The following ANAPC1 variants were observed in gnomAD, a reference collection of about 807,000 sequenced individuals.
The protein encoded by ANAPC1 is anaphase-promoting complex subunit 1.
A neutral mutation model predicts 208.0 loss-of-function variants in ANAPC1; 36 were observed. That is an observed-to-expected ratio of 0.17 (90% CI 0.13 to 0.23). The LOEUF (loss-of-function observed/expected upper bound fraction) is 0.23. Among genes scored for constraint, ANAPC1 ranks in the 10% least tolerant of loss-of-function variants. The pLI is 1.00. For missense variants in ANAPC1, 942 were observed against 2,011.6 expected (o/e 0.47, Z 10.17); for synonymous variants, 378 against 695.2 (o/e 0.54, Z 7.18).
chr2:111,835,555 T>C (rs925962675), intron 18 of ANAPC1, among the ~76,000 whole-genome samples: 4 of 152,218 alleles, frequency 2.6e-5, no homozygotes, highest in African/African-American at 9.6e-5. Context: ...AAGAAAAAAC[T>C]GGGCCGGGTG....
chr2:111,868,792 C>A (rs1419813440), intron 6 of ANAPC1, among the ~76,000 whole-genome samples: 1 of 152,208 alleles, frequency 6.6e-6, no homozygotes, highest in Non-Finnish European at 1.5e-5. Context: ...CTCGGCCTCC[C>A]AGAGTGCTGG....
chr2:111,867,833 C>T (rs113306446), intron 7 of ANAPC1, among the ~76,000 whole-genome samples, 190 bp downstream of exon 7: 5,216 of 151,986 alleles, frequency 0.034, 318 homozygotes, highest in African/African-American at 0.12. Flanking sequence ...GATTTATATG[C>T]CTTATTTTTA....
chr2:111,864,978 T>G (rs758807114), intron 7 of ANAPC1, 27 bp from the exon 8 acceptor site: 1 of 1,593,992 alleles, frequency 6.3e-7, no homozygotes, highest in Admixed American at 1.7e-5. Context: ...AAAAATCAGG[T>G]ATAGAACAAT....
intron 21 of ANAPC1, among the ~76,000 whole-genome samples, chr2:111,826,665 AT>A (rs34574346): frequency 0.075 from 10,381 of 139,270 alleles, 1,156 homozygotes; most frequent in African/African-American, 0.26. Context: ...TTATTTATTT[AT>A]TTTTTTTTTT....
At chr2:111,839,227 A>G (rs74328073) in intron 17 of ANAPC1, among the ~76,000 whole-genome samples, 24,041 of 152,208 alleles carry the variant, frequency 0.16, 1,949 homozygotes, top group Admixed American at 0.19. Flanking sequence ...GGGTTCCTGA[A>G]TAACTGTGTG....
rs1558704448 is a variant in ANAPC1, at chr2:111,834,844, T to G, written c.2144A>C (p.Tyr715Ser). Reference sequence around the variant, plus strand: ...AAGATGAGACTCAACATTCTGGTGGTAGTCTGAATTTAGTAAATATTCCCA... The same window carrying G: ...AAGATGAGACTCAACATTCTGGTGGGAGTCTGAATTTAGTAAATATTCCCA... The part of the protein sequence containing the change: ...DDWEYLLNSD[Y>S]HQNVESHLLN... Residue 715 changes from tyrosine (Y) to serine (S), a missense_variant, in exon 19 of 48, where the codon TAC becomes TCC. Coordinates refer to ENST00000341068, the MANE Select transcript of ANAPC1 (RefSeq NM_022662.4). 3 of 1,601,376 alleles carry G rather than the reference T, an allele frequency of 1.9e-6. No individual in the cohort carries two copies. Among genetic ancestry groups the G allele is most frequent in the Non-Finnish European group, 2.6e-6 (3 of 1,175,430 alleles).
chr2:111,838,500 C>T lies in ANAPC1; in HGVS notation c.2053G>A (p.Gly685Arg). 6.2e-7 allele frequency: 1 copy of T among 1,604,094 alleles called. No homozygotes were observed. The highest frequency in any genetic ancestry group is 8.5e-7 in the Non-Finnish European group (1 of 1,176,650). ...LAWTRNFDFE[G>R]SLSPVIAPKK... ...GGCGCAATGACAGGAGAAAGTGATC[C>T]TTCAAAGTCAAACTGAAAAGTAACC... The change falls in exon 18 of 48, where the codon GGA (glycine) becomes AGA (arginine). Residue 685 changes from glycine (G) to arginine (R), a missense_variant. Transcript: ENST00000341068.
chr2:111,882,790 A>G (rs1683378943), intron 1 of ANAPC1, among the ~76,000 whole-genome samples: 1 of 152,102 alleles, frequency 6.6e-6, no homozygotes, highest in African/African-American at 2.4e-5. Context: ...ACAAAACATG[A>G]CACAAGTTTT....
chr2:111,847,934 T>C, intron 14 of ANAPC1, 69 bp from the exon 15 acceptor site: 2 of 1,393,806 alleles, frequency 1.4e-6, no homozygotes, highest in Non-Finnish European at 1.9e-6. Context: ...GAAATTTAAC[T>C]GTTTCTTTTT....
At chr2:111,847,935 G>A in intron 14 of ANAPC1, 70 bp from the exon 15 acceptor site, 2 of 1,389,204 alleles carry the variant, frequency 1.4e-6, no homozygotes, top group South Asian at 3.1e-5. Context: ...AAATTTAACT[G>A]TTTCTTTTTT....
rs34637902 is a variant in ANAPC1, at chr2:111,857,294, A to AGG, written c.1359-410_1359-409dup. ...ATAGTTATATAAGAGGTTACCTGTG[A>AGG]GGGAAAAAGAATGCAAGGTACACAG... On this transcript the variant is annotated intron_variant, in intron 11 of 47. Coordinates refer to ENST00000341068, the MANE Select transcript of ANAPC1 (RefSeq NM_022662.4). Among the ~76,000 whole-genome samples, 3 of 143,522 alleles carry AGG rather than the reference A, an allele frequency of 2.1e-5. No individual in the cohort carries two copies. In the Admixed American group the frequency reaches 2.1e-4, roughly 10 times the overall value. The allele number at this position is 143,522 out of a possible 152,430, so 94.2% of individuals were successfully genotyped here.
In ANAPC1 at chr2:111,767,876, C is replaced by T. The variant is rs1218532584; in HGVS notation, c.*1415G>A. On this transcript the variant is annotated 3_prime_UTR_variant, in exon 48 of 48. Coordinates refer to ENST00000341068, the MANE Select transcript of ANAPC1 (RefSeq NM_022662.4). ...CCTCTGCTTCACATCCAGGAAGAAG[C>T]GAGTCCTCGGGGCAGCCACGCAAAT... 1.3e-5 allele frequency: 2 copies of T among 152,260 alleles called. No homozygotes were observed. The highest frequency in any genetic ancestry group is 6.5e-5 in the Admixed American group (1 of 15,284). The allele number at this position is 152,260 out of a possible 1,614,324, so 9.4% of individuals were successfully genotyped here.
chr2:111,849,804 C>T (rs1681290964), intron 14 of ANAPC1, among the ~76,000 whole-genome samples: 1 of 151,650 alleles, frequency 6.6e-6, no homozygotes, highest in Non-Finnish European at 1.5e-5. Context: ...AACCGGTCTC[C>T]TTATCTTTAA....
chr2:111,863,161 T>G (rs1682172110), intron 9 of ANAPC1, among the ~76,000 whole-genome samples: 1 of 152,106 alleles, frequency 6.6e-6, no homozygotes, highest in African/African-American at 2.4e-5. Flanking sequence ...CATAGGCAGC[T>G]TCAAAATATG....
chr2:111,873,638 T>C lies in ANAPC1; in HGVS notation c.402A>G (p.Ser134=). 1 of 1,585,470 alleles carries C rather than the reference T, an allele frequency of 6.3e-7. No homozygotes were observed. Among genetic ancestry groups the C allele is most frequent in the Non-Finnish European group, 8.5e-7 (1 of 1,172,650 alleles). ...TGTAGGCCTTTTCAGACTTATCCTG[T>C]GATATAATGAAGTCACACCACAATG... The part of the protein sequence containing the change: ...QQALWCDFII[S]QDKSEKAYSS... The change falls in exon 4 of 48, where the codon TCA becomes TCG. Residue 134 remains serine, a synonymous_variant. Transcript: ENST00000341068.
At chr2:111,821,499 C>T (rs1221100869) in intron 25 of ANAPC1, 46 bp from the exon 26 acceptor site, 36 of 1,400,818 alleles carry the variant, frequency 2.6e-5, no homozygotes, top group Non-Finnish European at 3.6e-5. Context: ...AAGCAGTTAA[C>T]ATGCACTTGC....
intron 13 of ANAPC1, among the ~76,000 whole-genome samples, chr2:111,854,964 G>A (rs1214498185): frequency 6.6e-6 from 1 of 152,154 alleles, no homozygotes; most frequent in Non-Finnish European, 1.5e-5. Flanking sequence ...AGGTGGTCTG[G>A]CTCTCAACCT....
rs1171058347 is a variant in ANAPC1 at position 111,877,057 on chromosome 2, T to A, written c.375+1753A>T. ...ATTTTCGGAATGGGAATGCTGACTG[T>A]TTAAAAATAAATTGCACACACATCA... On this transcript the variant is annotated intron_variant, in intron 3 of 47. Transcript: ENST00000341068. 2.6e-5 allele frequency among the ~76,000 whole-genome samples: 4 copies of A among 151,232 alleles called. No homozygotes were observed. The East Asian group carries it at 7.7e-4, about 29-fold the overall frequency.
intron 21 of ANAPC1, among the ~76,000 whole-genome samples, chr2:111,829,492 A>ATCC (rs1436110964): frequency 2.0e-5 from 3 of 152,116 alleles, no homozygotes; most frequent in African/African-American, 7.2e-5. Flanking sequence ...CCCACCTGGA[A>ATCC]AGGCCCACAA....
Sources: allele counts gnomAD v4.1 joint callset (sites outside exome capture counted in the v4.1 genomes callset), GRCh38; gene constraint gnomAD v4.1.1; transcripts MANE v1.5; gene names NCBI Gene and HGNC (gene_info 2026-07-23, HGNC 2026-07-21).